The following ZBTB7C variants were observed in gnomAD, a reference collection of about 807,000 sequenced individuals.
ZBTB7C encodes zinc finger and BTB domain-containing protein 7C.
ZBTB7C carries 8 observed loss-of-function variants against 25.7 expected under a neutral mutation model. That is an observed-to-expected ratio of 0.31 (90% CI 0.18 to 0.56). ZBTB7C has a LOEUF of 0.56. Among genes scored for constraint, ZBTB7C ranks in the 20% least tolerant of loss-of-function variants. The probability of loss-of-function intolerance (pLI) is 0.91; values close to 1 mark genes in which losing one functional copy is unlikely to be tolerated. For synonymous variants in ZBTB7C, 394 were observed against 369.0 expected, an observed-to-expected ratio of 1.07 and a Z score of -0.78; for missense variants, 824 against 855.2, an observed-to-expected ratio of 0.96 and a Z score of 0.46.
chr18:48,088,607 C>T (rs2038285034), intron 3 of ZBTB7C, among the ~76,000 whole-genome samples: 1 of 152,142 alleles, frequency 6.6e-6, no homozygotes, highest in African/African-American at 2.4e-5. Flanking sequence ...GTGGGTGGAT[C>T]ACTTGAAGTC....
upstream of ZBTB7C, among the ~76,000 whole-genome samples, chr18:48,410,250 C>T (rs1449025625): frequency 1.3e-5 from 2 of 152,158 alleles, no homozygotes; most frequent in Admixed American, 6.5e-5. Flanking sequence ...CGCCGAATCT[C>T]AGCGGGCAAT....
intron 2 of ZBTB7C, among the ~76,000 whole-genome samples, chr18:48,227,868 A>T (rs1196855681): frequency 6.6e-6 from 1 of 152,126 alleles, no homozygotes; most frequent in Non-Finnish European, 1.5e-5. Flanking sequence ...TCCCTCTCAG[A>T]GTGAGAGGGC....
At chr18:48,100,666 T>G (rs939990117) in intron 3 of ZBTB7C, among the ~76,000 whole-genome samples, 7 of 152,152 alleles carry the variant, frequency 4.6e-5, no homozygotes, top group African/African-American at 1.7e-4. Flanking sequence ...CATCAAAAAC[T>G]GTTATCCGGG....
intron 3 of ZBTB7C, among the ~76,000 whole-genome samples, chr18:48,095,679 T>C (rs568769150): frequency 1.8e-4 from 27 of 151,688 alleles, no homozygotes; most frequent in Non-Finnish European, 3.5e-4. Context: ...ACCATTGCAC[T>C]CCAGCCTGGG....
At chr18:48,284,655 G>T (rs951871518) in intron 2 of ZBTB7C, among the ~76,000 whole-genome samples, 1 of 152,022 alleles carries the variant, frequency 6.6e-6, no homozygotes, top group East Asian at 1.9e-4. Context: ...GCTGGGTATG[G>T]TGTTACACAC....
At chr18:48,262,805 C>A (rs1290338416) in intron 2 of ZBTB7C, among the ~76,000 whole-genome samples, 3 of 152,178 alleles carry the variant, frequency 2.0e-5, no homozygotes, top group African/African-American at 7.2e-5. Context: ...TCAGGCTCCA[C>A]CAAGACCAGC....
In ZBTB7C at chr18:48,029,043, C is replaced by T. The variant is rs775440207; in HGVS notation, c.*217G>A. The T allele has an allele frequency of 9.6e-4, 605 of 631,522 alleles. 2 individuals are homozygous for T. Among genetic ancestry groups the T allele is most frequent in the Non-Finnish European group, 1.4e-3 (555 of 398,822 alleles). 39.1% of individuals were successfully genotyped at this position (631,522 alleles called of 1,614,324 possible). A position where few individuals can be genotyped will look rare whatever the true frequency, so the allele number is the denominator to read the frequency against. ...AGAGACAGGGAGGGAGGCCCGGGCT[C>T]CTGGCCTTTTGGGAAAAGATGCCCG... On this transcript the variant is annotated 3_prime_UTR_variant, in exon 5 of 5. Transcript: ENST00000590800.
chr18:48,146,205 ATTAAT>A (rs1456135076), intron 3 of ZBTB7C, among the ~76,000 whole-genome samples: 1 of 152,230 alleles, frequency 6.6e-6, no homozygotes, highest in Non-Finnish European at 1.5e-5. Context: ...GAACATGTGT[ATTAAT>A]TTAAGTGGAA....
intron 3 of ZBTB7C, among the ~76,000 whole-genome samples, chr18:48,139,631 C>T (rs537658047): frequency 1.3e-5 from 2 of 152,230 alleles, no homozygotes; most frequent in East Asian, 3.9e-4. Flanking sequence ...CCCCTAATCA[C>T]TGTGTGTGTG....
intron 1 of ZBTB7C, among the ~76,000 whole-genome samples, chr18:48,354,836 G>A (rs1255461220): frequency 6.6e-6 from 1 of 152,136 alleles, no homozygotes; most frequent in Non-Finnish European, 1.5e-5. Context: ...TGAATAAACG[G>A]AGCTGTGCCA....
rs559139193 is a variant in ZBTB7C, at chr18:48,185,401, C to A, written c.-17+533G>T. The A allele has an allele frequency of 4.3e-4, 161 of 377,078 alleles. 1 individual carries two copies. Among genetic ancestry groups the A allele is most frequent in the African/African-American group, 3.3e-3 (154 of 46,770 alleles). 23.4% of individuals were successfully genotyped at this position (377,078 alleles called of 1,614,324 possible). A position where few individuals can be genotyped will look rare whatever the true frequency, so the allele number is the denominator to read the frequency against. ...GACTGAAAGCTCCTCCAAAACAGAG[C>A]CAATGCCTGCTGCTTCTCGTGGATT... On this transcript the variant is annotated intron_variant, in intron 3 of 4. Coordinates refer to ENST00000590800, the MANE Select transcript of ZBTB7C (RefSeq NM_001318841.2).
chr18:48,298,110 C>T (rs890576278), intron 2 of ZBTB7C, among the ~76,000 whole-genome samples: 4 of 151,970 alleles, frequency 2.6e-5, no homozygotes, highest in African/African-American at 9.7e-5. Flanking sequence ...GAAACCCCAT[C>T]GCTACTAAAA....
At chr18:48,353,577 C>T (rs1477195098) in intron 1 of ZBTB7C, among the ~76,000 whole-genome samples, 1 of 152,136 alleles carries the variant, frequency 6.6e-6, no homozygotes, top group East Asian at 1.9e-4. Context: ...GAGTCCCTGT[C>T]CCCCAGTATT....
chr18:48,100,970 G>A (rs932933751), intron 3 of ZBTB7C, among the ~76,000 whole-genome samples: 1 of 152,084 alleles, frequency 6.6e-6, no homozygotes, highest in Non-Finnish European at 1.5e-5. Flanking sequence ...GTTGTAGGCT[G>A]TTCTGGGCTC....
At chr18:48,113,495 A>G (rs1303830016) in intron 3 of ZBTB7C, among the ~76,000 whole-genome samples, 1 of 152,246 alleles carries the variant, frequency 6.6e-6, no homozygotes, top group Admixed American at 6.5e-5. Flanking sequence ...AGGGCTGGCA[A>G]GAGGCCAGGG....
intron 2 of ZBTB7C, among the ~76,000 whole-genome samples, chr18:48,276,979 T>G (rs8084762): frequency 0.19 from 28,970 of 150,272 alleles, 3,499 homozygotes; most frequent in East Asian, 0.45. Context: ...CCTGACTTTT[T>G]AATGATTGCC....
chr18:48,073,659 TC>T (rs985833695), intron 3 of ZBTB7C, among the ~76,000 whole-genome samples: 1 of 149,606 alleles, frequency 6.7e-6, no homozygotes, highest in Non-Finnish European at 1.5e-5. Context: ...GCCCTCCCTC[TC>T]CCCCCACCCA....
At chr18:48,279,984 T>C (rs1017194621) in intron 2 of ZBTB7C, among the ~76,000 whole-genome samples, 1 of 152,196 alleles carries the variant, frequency 6.6e-6, no homozygotes, top group African/African-American at 2.4e-5. Flanking sequence ...AGAATATTCA[T>C]CATTCCACAA....
intron 2 of ZBTB7C, among the ~76,000 whole-genome samples, chr18:48,307,725 G>A (rs888298035): frequency 6.6e-6 from 1 of 152,174 alleles, no homozygotes; most frequent in Non-Finnish European, 1.5e-5. Context: ...GCAGGCACCT[G>A]TAATCCCAGC....
Sources: gnomAD v4.1 joint callset for allele counts (sites outside exome capture counted in the v4.1 genomes callset) on GRCh38, gnomAD v4.1.1 for gene constraint, MANE v1.5 for transcripts, NCBI Gene and HGNC (gene_info 2026-07-23, HGNC 2026-07-21) for gene names.